The following CAND1 variants were observed in gnomAD, a reference collection of about 807,000 sequenced individuals.
The protein encoded by CAND1 is cullin-associated NEDD8-dissociated protein 1.
In CAND1, 7 loss-of-function variants were observed where a neutral mutation model predicts 108.5. That is an observed-to-expected ratio of 0.06 (90% CI 0.04 to 0.12). CAND1 has a LOEUF of 0.12. CAND1 is among the 10% of genes least tolerant of loss of function. The pLI, the probability that CAND1 is intolerant of heterozygous loss-of-function variation, is 1.00. For missense variants in CAND1, 941 were observed against 1,448.7 expected, an observed-to-expected ratio of 0.65 and a Z score of 5.69; for synonymous variants, 534 against 512.0, an observed-to-expected ratio of 1.04 and a Z score of -0.58.
At chr12:67,288,302 T>C (rs1690140394) in intron 2 of CAND1, among the ~76,000 whole-genome samples, 2 of 152,006 alleles carry the variant, frequency 1.3e-5, no homozygotes. Context: ...CTAATTTTTG[T>C]ATTTTTGTAG....
chr12:67,269,663 G>GCGGCAGCGGGCAGCAGCTC lies in CAND1; in HGVS notation c.-53_-35dup. On this transcript the variant is annotated 5_prime_UTR_variant, in exon 1 of 15. Transcript: ENST00000545606. Reference sequence around the variant, plus strand: ...TCCAGTGGCGGCGGCGGCGGCGGCAGCGGCAGCGGGCAGCAGCTCCAGCAG... The same window carrying GCGGCAGCGGGCAGCAGCTC: ...TCCAGTGGCGGCGGCGGCGGCGGCAGCGGCAGCGGGCAGCAGCTCCGGCAGCGGGCAGCAGCTCCAGCAG... 6 of 1,505,406 alleles carry GCGGCAGCGGGCAGCAGCTC rather than the reference G, an allele frequency of 4.0e-6. No homozygotes were observed. Among genetic ancestry groups the GCGGCAGCGGGCAGCAGCTC allele is most frequent in the Non-Finnish European group, 3.6e-6 (4 of 1,099,964 alleles). 93.3% of individuals were successfully genotyped at this position (1,505,406 alleles called of 1,614,324 possible). A position where few individuals can be genotyped will look rare whatever the true frequency, so the allele number is the denominator to read the frequency against.
intron 2 of CAND1, among the ~76,000 whole-genome samples, chr12:67,287,645 G>A (rs74909796): frequency 0.031 from 4,750 of 151,672 alleles, 96 homozygotes; most frequent in East Asian, 0.09. Flanking sequence ...CCAGCTTTAC[G>A]AATCTGAATC....
At chr12:67,299,387 T>C (rs1329801614) in intron 7 of CAND1, among the ~76,000 whole-genome samples, 1 of 152,126 alleles carries the variant, frequency 6.6e-6, no homozygotes, top group Admixed American at 6.6e-5. Context: ...TCTTTAAGTA[T>C]ACAGAAAAAA....
chr12:67,269,689 C>T lies in CAND1; in HGVS notation c.-29C>T. The T allele has an allele frequency of 6.3e-7, 1 of 1,586,050 alleles. No individual in the cohort carries two copies. Among genetic ancestry groups the T allele is most frequent in the Non-Finnish European group, 8.6e-7 (1 of 1,166,978 alleles). On this transcript the variant is annotated 5_prime_UTR_variant, in exon 1 of 15. Transcript: ENST00000545606. The stretch of plus-strand genomic sequence containing the variant: ...CGGCAGCGGGCAGCAGCTCCAGCAG[C>T]GCCAGCAGGCGGGATCGAGGCCGTC...
At chr12:67,310,451 T>C (rs2044937138) in intron 13 of CAND1, 135 bp downstream of exon 13, 3 of 626,672 alleles carry the variant, frequency 4.8e-6, no homozygotes, top group East Asian at 2.8e-5. Context: ...TATTGTAAAC[T>C]ATAAAGTGCA....
chr12:67,285,459 G>C (rs1051276541), intron 2 of CAND1, among the ~76,000 whole-genome samples: 2 of 152,120 alleles, frequency 1.3e-5, no homozygotes, highest in South Asian at 4.1e-4. Context: ...ATGTGCTGAA[G>C]ATAGTTAAGA....
chr12:67,294,761 A>G (rs1290188409), intron 3 of CAND1, among the ~76,000 whole-genome samples: 1 of 152,174 alleles, frequency 6.6e-6, no homozygotes. Context: ...ATTGAAAAGC[A>G]GCCTGTTTTG....
intron 11 of CAND1, 129 bp from the exon 12 acceptor site, chr12:67,309,772 C>T (rs766293088): frequency 1.6e-6 from 1 of 630,920 alleles, no homozygotes; most frequent in Non-Finnish European, 2.7e-6. Flanking sequence ...TCAGGTTCTT[C>T]CCTGACCGTC....
rs1040443401 is a variant in CAND1 at position 67,269,958 on chromosome 12, C to T, written c.68+173C>T. 33 of 560,112 alleles carry T rather than the reference C, an allele frequency of 5.9e-5. No homozygotes were observed. The Admixed American group carries it at 1.0e-3, about 18-fold the overall frequency. 34.7% of individuals were successfully genotyped at this position (560,112 alleles called of 1,614,324 possible). A position where few individuals can be genotyped will look rare whatever the true frequency, so the allele number is the denominator to read the frequency against. Reference sequence around the variant, plus strand: ...ATCCCTGCGGAGCCCCTTTCCTCTCCCCTCTTGCAACCCCCTCCCCCCATT... The same window carrying T: ...ATCCCTGCGGAGCCCCTTTCCTCTCTCCTCTTGCAACCCCCTCCCCCCATT... On this transcript the variant is annotated intron_variant, in intron 1 of 14. Coordinates refer to ENST00000545606, the MANE Select transcript of CAND1 (RefSeq NM_018448.5).
At position 67,318,747 on chromosome 12, in the gene CAND1, G is replaced by A. The variant is rs1026664051; in HGVS notation, c.*5917G>A. The A allele has an allele frequency of 6.6e-6, 1 of 152,166 alleles. No homozygotes were observed. Among genetic ancestry groups the A allele is most frequent in the African/African-American group, 2.4e-5 (1 of 41,428 alleles). 9.4% of individuals were successfully genotyped at this position (152,166 alleles called of 1,614,324 possible). A position where few individuals can be genotyped will look rare whatever the true frequency, so the allele number is the denominator to read the frequency against. On this transcript the variant is annotated 3_prime_UTR_variant, in exon 15 of 15. Transcript: ENST00000545606. ...TACAAAAGCTGTTGAGACTGTACTTGATATGAAGAAGCTTGCTGATTATCA... is the reference window on the plus strand; with the variant it reads ...TACAAAAGCTGTTGAGACTGTACTTAATATGAAGAAGCTTGCTGATTATCA...
At chr12:67,283,636 G>A (rs915553131) in intron 2 of CAND1, among the ~76,000 whole-genome samples, 3 of 150,436 alleles carry the variant, frequency 2.0e-5, no homozygotes, top group Non-Finnish European at 3.0e-5. Flanking sequence ...AGTAATTTTA[G>A]TTTAATTCTT....
Position 67,287,766 on chromosome 12 carries a change from A to G in CAND1, c.213-4856A>G, listed in dbSNP as rs902515058. On this transcript the variant is annotated intron_variant, in intron 2 of 14. Transcript: ENST00000545606. ...CTTTCTAATTTAAACATATAAAGGT[A>G]TATATTTTCCTCTAAGTATGTCTTT... Among the ~76,000 whole-genome samples the G allele has an allele frequency of 4.7e-5, 7 of 150,406 alleles. No individual in the cohort carries two copies. In the South Asian group the frequency reaches 1.3e-3, roughly 27 times the overall value.
In CAND1 at chr12:67,269,562, G is replaced by C; in HGVS notation, c.-156G>C. 1 of 607,260 alleles carries C rather than the reference G, an allele frequency of 1.6e-6. No homozygotes were observed. 37.6% of individuals were successfully genotyped at this position (607,260 alleles called of 1,614,324 possible). ...CTCGCCAGGGAGGGGGCAGCCCGTC[G>C]AGGCGCCTCCCTAGTCAGCGTCGGC... On this transcript the variant is annotated 5_prime_UTR_variant, in exon 1 of 15. Coordinates refer to ENST00000545606, the MANE Select transcript of CAND1 (RefSeq NM_018448.5).
intron 7 of CAND1, among the ~76,000 whole-genome samples, chr12:67,300,327 G>T (rs1404863885): frequency 2.6e-5 from 4 of 151,996 alleles, no homozygotes; most frequent in Non-Finnish European, 4.4e-5. Flanking sequence ...CTAGTCTCCT[G>T]GCTTTAATAT....
At chr12:67,277,973 TCTG>T in intron 1 of CAND1, among the ~76,000 whole-genome samples, 1 of 152,174 alleles carries the variant, frequency 6.6e-6, no homozygotes, top group Non-Finnish European at 1.5e-5. Context: ...GAAATGTAAA[TCTG>T]ATCATTGCAT....
Position 67,269,764 on chromosome 12 carries a change from C to T in CAND1, c.47C>T (p.Thr16Ile). The T allele has an allele frequency of 1.9e-6, 3 of 1,606,890 alleles. No homozygotes were observed. The highest frequency in any genetic ancestry group is 1.4e-5 in the African/African-American group (1 of 74,040). The stretch of plus-strand genomic sequence containing the variant: ...ATTTCCAATTTGCTGGAAAAAATGA[C>T]ATCCAGCGACAAGGACTTTAGGTGA... ...YHISNLLEKM[T>I]SSDKDFRFMA... The change falls in exon 1 of 15, where the codon ACA becomes ATA. Residue 16 changes from threonine (T) to isoleucine (I), a missense_variant. Coordinates refer to ENST00000545606, the MANE Select transcript of CAND1 (RefSeq NM_018448.5).
intron 1 of CAND1, among the ~76,000 whole-genome samples, chr12:67,278,502 T>C (rs1050025802): frequency 6.6e-6 from 1 of 151,788 alleles, no homozygotes. Flanking sequence ...GTCTAGGTCA[T>C]GTTACTTTGT....
intron 1 of CAND1, chr12:67,270,854 G>T: frequency 6.6e-6 from 1 of 151,718 alleles, no homozygotes. Flanking sequence ...TAATTTGGGT[G>T]CATTTTAAAG....
intron 2 of CAND1, among the ~76,000 whole-genome samples, chr12:67,290,475 C>T (rs1250628853): frequency 2.0e-5 from 3 of 151,740 alleles, no homozygotes; most frequent in Non-Finnish European, 4.4e-5. Context: ...CACACCACTG[C>T]ACTCCAGCCT....
Sources: allele counts gnomAD v4.1 joint callset (sites outside exome capture counted in the v4.1 genomes callset), GRCh38; gene constraint gnomAD v4.1.1; transcripts MANE v1.5; gene names NCBI Gene and HGNC (gene_info 2026-07-23, HGNC 2026-07-21).